The following SORBS2 variants were observed in gnomAD, a reference collection of about 807,000 sequenced individuals.
SORBS2 encodes the protein sorbin and SH3 domain-containing protein 2.
SORBS2 carries 46 observed loss-of-function variants against 97.7 expected under a neutral mutation model. The observed-to-expected ratio is 0.47, with a 90% CI of 0.37 to 0.60. The LOEUF is 0.60. SORBS2 is among the 20% of genes least tolerant of loss of function. The pLI is 0.00. For synonymous variants in SORBS2, 476 were observed against 473.4 expected, an observed-to-expected ratio of 1.01 and a Z score of -0.07; for missense variants, 1,316 against 1,282.3, an observed-to-expected ratio of 1.03 and a Z score of -0.40.
In SORBS2 at chr4:185,638,929, C is replaced by T. The variant is rs181420190; in HGVS notation, c.396+7739G>A. ...CGAGCTTGGTGTGGGGGCGCCACTC[C>T]GGGGCGGAGGGGAGGGGCTACCAGT... is the stretch of plus-strand genomic sequence containing the variant. On this transcript the variant is annotated intron_variant, in intron 4 of 14. Coordinates refer to ENST00000418609, the Ensembl canonical transcript of SORBS2. 5 of 1,504,374 alleles carry T rather than the reference C, an allele frequency of 3.3e-6. No homozygotes were observed. The African/African-American group carries it at 4.3e-5, about 13-fold the overall frequency. The allele number at this position is 1,504,374 out of a possible 1,614,324, so 93.2% of individuals were successfully genotyped here. A position where few individuals can be genotyped will look rare whatever the true frequency, so the allele number is the denominator to read the frequency against.
chr4:185,783,727 G>T (rs1445281785), intron 1 of SORBS2, among the ~76,000 whole-genome samples: 4 of 152,188 alleles, frequency 2.6e-5, no homozygotes, highest in Non-Finnish European at 1.5e-5. Context: ...GGACATTTTG[G>T]TTTCAGGCAG....
At chr4:185,768,806 G>T (rs559075515) in intron 2 of SORBS2, among the ~76,000 whole-genome samples, 25 of 152,098 alleles carry the variant, frequency 1.6e-4, no homozygotes, top group African/African-American at 6.0e-4. Context: ...CATGTGGCCT[G>T]TTCTTCTGAA....
At chr4:185,741,172 C>T (rs1459749618) in intron 2 of SORBS2, among the ~76,000 whole-genome samples, 2 of 151,976 alleles carry the variant, frequency 1.3e-5, no homozygotes, top group Non-Finnish European at 2.9e-5. Context: ...TCTATGAACA[C>T]AAGTAGGCAT....
At chr4:185,820,769 A>G (rs1030730185) in intron 1 of SORBS2, among the ~76,000 whole-genome samples, 1 of 152,130 alleles carries the variant, frequency 6.6e-6, no homozygotes, top group African/African-American at 2.4e-5. Context: ...TTGTGCTTTT[A>G]TTTACTTAAT....
At chr4:185,720,470 GA>G in intron 2 of SORBS2, among the ~76,000 whole-genome samples, 1 of 152,254 alleles carries the variant, frequency 6.6e-6, no homozygotes, top group Non-Finnish European at 1.5e-5. Context: ...TAACCCAGTA[GA>G]TCACACCCAT....
At chr4:185,588,622 C>CCCTCCTCCTCCTCCCTCCTCCTCCT (rs1561253138) in intron 14 of SORBS2, among the ~76,000 whole-genome samples, 1 of 64,910 alleles carries the variant, frequency 1.5e-5, no homozygotes, top group Non-Finnish European at 4.3e-5. Context: ...TCCTCCTCCT[C>CCCTCCTCCTCCTCCCTCCTCCTCCT]CTTGTTTTTG....
chr4:185,809,069 G>A (rs981533476), intron 1 of SORBS2, among the ~76,000 whole-genome samples: 4 of 152,020 alleles, frequency 2.6e-5, no homozygotes, highest in Non-Finnish European at 5.9e-5. Flanking sequence ...AAAAATGAAA[G>A]CCTCATTGTT....
chr4:185,643,200 G>A (rs867845474), intron 4 of SORBS2, among the ~76,000 whole-genome samples: 2 of 152,372 alleles, frequency 1.3e-5, no homozygotes, highest in South Asian at 2.1e-4. Flanking sequence ...CCTGGGGGAG[G>A]TGGGACTGTG....
intron 1 of SORBS2, among the ~76,000 whole-genome samples, chr4:185,817,876 G>A (rs537865501): frequency 6.6e-6 from 1 of 152,288 alleles, no homozygotes; most frequent in East Asian, 1.9e-4. Context: ...TTCTAGAAGT[G>A]CTTCTGAAAT....
chr4:185,731,866 C>CTCTA (rs1286500642), intron 2 of SORBS2, among the ~76,000 whole-genome samples: 20 of 24,682 alleles, frequency 8.1e-4, no homozygotes, highest in Non-Finnish European at 1.0e-3. Context: ...CTCTCTCTCT[C>CTCTA]TATATATATA....
intron 1 of SORBS2, among the ~76,000 whole-genome samples, chr4:185,844,742 G>A (rs2099213559): frequency 6.6e-6 from 1 of 151,988 alleles, no homozygotes; most frequent in African/African-American, 2.4e-5. Flanking sequence ...AGAAAAGATG[G>A]CATATTCATA....
intron 1 of SORBS2, among the ~76,000 whole-genome samples, chr4:185,917,690 T>C (rs1402322896): frequency 2.0e-5 from 3 of 152,000 alleles, no homozygotes; most frequent in South Asian, 2.1e-4. Flanking sequence ...GTATCAAAAA[T>C]TGGGGAGAGG....
chr4:185,715,573 C>G (rs1201615468), intron 2 of SORBS2, among the ~76,000 whole-genome samples: 1 of 152,134 alleles, frequency 6.6e-6, no homozygotes, highest in African/African-American at 2.4e-5. Context: ...TAAGCCCTAA[C>G]TTACCAGGAT....
chr4:185,739,050 G>A (rs2098706351), intron 2 of SORBS2, among the ~76,000 whole-genome samples: 1 of 152,230 alleles, frequency 6.6e-6, no homozygotes, highest in South Asian at 2.1e-4. Context: ...CAAATGAGCT[G>A]TCAAGGTTCA....
chr4:185,621,661 G>A (rs1294425511), intron 7 of SORBS2, among the ~76,000 whole-genome samples: 9 of 152,084 alleles, frequency 5.9e-5, no homozygotes, highest in African/African-American at 2.2e-4. Flanking sequence ...AAAAGTGAAA[G>A]CAAACATAAA....
intron 2 of SORBS2, 95 bp downstream of exon 10, chr4:185,652,567 T>C (rs1001188121): frequency 2.1e-6 from 2 of 951,510 alleles, no homozygotes; most frequent in Non-Finnish European, 3.4e-6. Flanking sequence ...TTTGCTGGGG[T>C]CTTGACATTG....
At chr4:185,895,262 T>C (rs993340914) in intron 1 of SORBS2, among the ~76,000 whole-genome samples, 1 of 152,156 alleles carries the variant, frequency 6.6e-6, no homozygotes, top group African/African-American at 2.4e-5. Flanking sequence ...AGGACTTGTT[T>C]TGGTGTCACA....
At chr4:185,935,069 C>G (rs984194313) in intron 1 of SORBS2, among the ~76,000 whole-genome samples, 24 of 152,130 alleles carry the variant, frequency 1.6e-4, no homozygotes, top group Non-Finnish European at 3.4e-4. Context: ...ATATCAAAAT[C>G]AGCCAACAAT....
At chr4:185,784,233 A>C (rs2099045345) in intron 1 of SORBS2, among the ~76,000 whole-genome samples, 1 of 151,910 alleles carries the variant, frequency 6.6e-6, no homozygotes, top group East Asian at 1.9e-4. Context: ...CCGGGTTCAC[A>C]CCATTCTCCT....
Sources: gnomAD v4.1 joint callset for allele counts (sites outside exome capture counted in the v4.1 genomes callset) on GRCh38, gnomAD v4.1.1 for gene constraint, MANE v1.5 for transcripts, NCBI Gene and HGNC (gene_info 2026-07-23, HGNC 2026-07-21) for gene names.